SPG7: variants seen among roughly 807,000 people sequenced by gnomAD.
SPG7 encodes the protein SPG7 matrix AAA peptidase subunit, paraplegin.
SPG7 carries 103 observed loss-of-function variants against 81.9 expected under a neutral mutation model. The ratio of observed to expected loss-of-function variants is 1.26; its 90% CI spans 1.07 to 1.48. The LOEUF (loss-of-function observed/expected upper bound fraction) is 1.48, where lower values mean the gene tolerates loss of function less well. Ranked by LOEUF, SPG7 falls within the 40% of genes most tolerant of loss-of-function variation. The pLI, the probability that SPG7 is intolerant of heterozygous loss-of-function variation, is 0.00. For synonymous variants in SPG7, 534 were observed against 444.2 expected (o/e 1.20, Z -2.54); for missense variants, 1,241 against 1,087.3 (o/e 1.14, Z -1.99).
chr16:89,545,050 C>T (rs2058546327), intron 10 of SPG7: 1 of 496,720 alleles, frequency 2.0e-6, no homozygotes, highest in Non-Finnish European at 3.7e-6. Flanking sequence ...GTTCTGTTCA[C>T]CTGCTATTGG....
Position 89,532,938 on chromosome 16 carries a change from C to T in SPG7, c.1324+302C>T, listed in dbSNP as rs140722005. On this transcript the variant is annotated intron_variant, in intron 9 of 16. Transcript: ENST00000645818. ...ATCTCTACAAAAATACAAAAGTCAGCCGGGTGTGGTGGCAGGTGCTTATAA... is the reference window on the plus strand; with the variant it reads ...ATCTCTACAAAAATACAAAAGTCAGTCGGGTGTGGTGGCAGGTGCTTATAA... 815 of 417,920 alleles carry T rather than the reference C, an allele frequency of 2.0e-3. 8 individuals carry two copies. Among genetic ancestry groups the T allele is most frequent in the African/African-American group, 0.016 (784 of 49,092 alleles). The allele number at this position is 417,920 out of a possible 1,614,324, so 25.9% of individuals were successfully genotyped here. A position where few individuals can be genotyped will look rare whatever the true frequency, so the allele number is the denominator to read the frequency against.
At position 89,530,676 on chromosome 16, in the gene SPG7, T is replaced by C; in HGVS notation, c.862-7T>C. ...CCAGCTCCTTGCACTTTGTTCTTTC[T>C]GCACAGAATCAGCTTAAAATGGCTC... is the stretch of plus-strand genomic sequence containing the variant. On this transcript the variant is annotated splice_region_variant and splice_polypyrimidine_tract_variant and intron_variant, in intron 6 of 16. Transcript: ENST00000645818. 2 of 1,614,154 alleles carry C rather than the reference T, an allele frequency of 1.2e-6. No individual in the cohort carries two copies. The highest frequency in any genetic ancestry group is 1.7e-6 in the Non-Finnish European group (2 of 1,180,026).
At chr16:89,528,460 C>T (rs191992078) in intron 5 of SPG7, among the ~76,000 whole-genome samples, 5 of 148,548 alleles carry the variant, frequency 3.4e-5, no homozygotes, top group African/African-American at 4.9e-5. Flanking sequence ...CTTCGTAGGC[C>T]GATGATGTAC....
chr16:89,544,597 G>A (rs975781168), intron 9 of SPG7, 51 bp from the exon 10 acceptor site: 2 of 1,610,752 alleles, frequency 1.2e-6, no homozygotes, highest in African/African-American at 2.7e-5. Context: ...GGGGAAATCT[G>A]TTGTGTCAGG....
chr16:89,546,160 C>G (rs2152409679), intron 10 of SPG7: 1 of 295,692 alleles, frequency 3.4e-6, no homozygotes, highest in African/African-American at 2.2e-5. Context: ...GATCTCGGCT[C>G]ACTGCAACCA....
intron 9 of SPG7, chr16:89,536,667 G>T: frequency 6.8e-7 from 1 of 1,473,400 alleles, no homozygotes; most frequent in Non-Finnish European, 9.4e-7. Flanking sequence ...GGCGAGGCGG[G>T]TGAGATCGGG....
intron 9 of SPG7, chr16:89,537,743 G>A (rs1260004799): frequency 1.0e-6 from 1 of 985,330 alleles, no homozygotes; most frequent in Non-Finnish European, 1.2e-6. Context: ...CTTGCCGTGA[G>A]CTCTTTCAGG....
At chr16:89,524,624 A>G (rs2058237526) in intron 4 of SPG7, among the ~76,000 whole-genome samples, 1 of 151,186 alleles carries the variant, frequency 6.6e-6, no homozygotes, top group African/African-American at 2.4e-5. Flanking sequence ...TTGTAGTTCT[A>G]GTAGAGATGG....
chr16:89,545,828 A>G (rs1249602615), intron 10 of SPG7: 8 of 410,124 alleles, frequency 2.0e-5, no homozygotes, highest in Non-Finnish European at 3.4e-5. Context: ...CTATTCTGCT[A>G]TAATTTTTTC....
intron 3 of SPG7, among the ~76,000 whole-genome samples, chr16:89,513,927 A>T (rs955362751): frequency 2.6e-5 from 4 of 152,290 alleles, no homozygotes; most frequent in African/African-American, 9.6e-5. Flanking sequence ...GGGGATTATT[A>T]TTGTGAATTC....
intron 9 of SPG7, among the ~76,000 whole-genome samples, chr16:89,542,748 G>T (rs1356990583): frequency 6.6e-6 from 1 of 152,016 alleles, no homozygotes. Context: ...AGAACATGGG[G>T]TTGCTGGAGC....
chr16:89,528,114 G>C (rs1051714545), intron 5 of SPG7, among the ~76,000 whole-genome samples: 4 of 151,502 alleles, frequency 2.6e-5, no homozygotes, highest in South Asian at 2.1e-4. Context: ...GTTTGGGCCG[G>C]GCGCGGTGGC....
In SPG7 at chr16:89,548,322, T is replaced by A; in HGVS notation, c.1663+209T>A. Reference sequence around the variant, plus strand: ...CACAGATTTACCTAAGAGTAGACGCTCGTCCAACAGAAATAAAAAATGCCT... The same window carrying A: ...CACAGATTTACCTAAGAGTAGACGCACGTCCAACAGAAATAAAAAATGCCT... On this transcript the variant is annotated intron_variant, in intron 12 of 16. Coordinates refer to ENST00000645818, the MANE Select transcript of SPG7 (RefSeq NM_003119.4). The A allele has an allele frequency of 5.6e-6, 3 of 534,344 alleles. No individual in the cohort carries two copies. In the South Asian group the frequency reaches 7.4e-5, roughly 13 times the overall value. 33.1% of individuals were successfully genotyped at this position (534,344 alleles called of 1,614,324 possible). A position where few individuals can be genotyped will look rare whatever the true frequency, so the allele number is the denominator to read the frequency against.
At chr16:89,554,987 C>T (rs942940360) in intron 16 of SPG7, 1 of 209,066 alleles carries the variant, frequency 4.8e-6, no homozygotes, top group African/African-American at 2.4e-5. Context: ...GACATCTTGG[C>T]TCACTGCAAC....
chr16:89,530,321 A>T, intron 6 of SPG7: 1 of 339,972 alleles, frequency 2.9e-6, no homozygotes, highest in Non-Finnish European at 5.7e-6. Context: ...ATTTTTTTGT[A>T]TTTTTGGTAG....
chr16:89,533,406 A>G (rs2058372926), intron 9 of SPG7: 1 of 152,068 alleles, frequency 6.6e-6, no homozygotes, highest in African/African-American at 2.4e-5. Context: ...TGACCTCGTG[A>G]TCCGCCTGCC....
intron 9 of SPG7, chr16:89,532,902 G>A (rs1033755253): frequency 8.4e-6 from 4 of 475,094 alleles, no homozygotes; most frequent in African/African-American, 5.9e-5. Flanking sequence ...TGGCCAACAT[G>A]CTGAAACCCC....
chr16:89,518,392 A>C (rs2058131890), intron 3 of SPG7: 1 of 152,230 alleles, frequency 6.6e-6, no homozygotes, highest in African/African-American at 2.4e-5. Context: ...GGCACCACTC[A>C]CTGATAACAC....
In SPG7 at chr16:89,531,995, A is replaced by C; in HGVS notation, c.1079A>C (p.Lys360Thr). The C allele has an allele frequency of 6.2e-7, 1 of 1,613,988 alleles. No individual in the cohort carries two copies. The highest frequency in any genetic ancestry group is 8.5e-7 in the Non-Finnish European group (1 of 1,179,992). The change falls in exon 8 of 17, where the codon AAG becomes ACG. Residue 360 changes from lysine to threonine, a missense_variant. By Grantham distance (78) the Lys-to-Thr change is moderately conservative. Transcript: ENST00000645818. ...GGCTGTGGGAAGACGCTGCTGGCCA[A>C]GGCGGTGGCCACGGAGGCTCAGGTG... is the stretch of plus-strand genomic sequence containing the variant. ...PPGCGKTLLA[K>T]AVATEAQVPF...
Sources: allele counts gnomAD v4.1 joint callset (sites outside exome capture counted in the v4.1 genomes callset), GRCh38; gene constraint gnomAD v4.1.1; transcripts MANE v1.5; gene names NCBI Gene and HGNC (gene_info 2026-07-23, HGNC 2026-07-21).